SKI: variants seen among roughly 807,000 people sequenced by gnomAD.
SKI encodes SKI proto-oncogene.
Under a neutral mutation model 59.3 loss-of-function variants are expected in SKI, and 23 were observed. The observed-to-expected ratio is 0.39, with a 90% CI of 0.28 to 0.55. SKI has a LOEUF of 0.55. Among genes scored for constraint, SKI ranks in the 20% least tolerant of loss-of-function variants. SKI has a pLI of 0.67. For missense variants in SKI, 1,017 were observed against 1,038.9 expected (o/e 0.98, Z 0.29); for synonymous variants, 673 against 488.6 (o/e 1.38, Z -4.98).
chr1:2,298,536 G>A (rs998102018), intron 1 of SKI, among the ~76,000 whole-genome samples: 9 of 152,308 alleles, frequency 5.9e-5, no homozygotes, highest in African/African-American at 9.6e-5. Context: ...GAGCAGAGGC[G>A]GGACCCTGCC....
chr1:2,294,734 C>G (rs374889226), intron 1 of SKI, among the ~76,000 whole-genome samples: 3 of 152,362 alleles, frequency 2.0e-5, no homozygotes, highest in Admixed American at 2.0e-4. Flanking sequence ...AGCTGCTTCT[C>G]ACATTTTTGT....
At position 2,229,815 on chromosome 1, in the gene SKI, G is replaced by C. The variant is rs547313941; in HGVS notation, c.969+80G>C. The C allele has an allele frequency of 2.1e-5, 32 of 1,546,506 alleles. No individual in the cohort carries two copies. Among genetic ancestry groups the C allele is most frequent in the African/African-American group, 4.1e-5 (3 of 72,912 alleles). Reference sequence around the variant, plus strand: ...TTCTGGACTACAGGCTCTGGTCTCCGAAGGCTGGGACCTGTGCTTCTGCCG... The same window carrying C: ...TTCTGGACTACAGGCTCTGGTCTCCCAAGGCTGGGACCTGTGCTTCTGCCG... On this transcript the variant is annotated intron_variant, in intron 1 of 6. Coordinates refer to ENST00000378536, the MANE Select transcript of SKI (RefSeq NM_003036.4). This position sits in a 1 kb window ranked among gnomAD's most constrained non-coding sequence, Gnocchi z 6.3.
intron 1 of SKI, among the ~76,000 whole-genome samples, chr1:2,264,274 T>A (rs548546061): frequency 1.3e-5 from 2 of 152,320 alleles, no homozygotes; most frequent in East Asian, 1.9e-4. Context: ...TAATTTAATT[T>A]AATTTATTTA....
intron 1 of SKI, among the ~76,000 whole-genome samples, chr1:2,274,595 A>T (rs1639701417): frequency 6.6e-6 from 1 of 152,202 alleles, no homozygotes; most frequent in Non-Finnish European, 1.5e-5. Context: ...TCCCAGCGGC[A>T]CCTGGCCACG....
At chr1:2,249,404 C>T (rs912329953) in intron 1 of SKI, among the ~76,000 whole-genome samples, 1 of 152,240 alleles carries the variant, frequency 6.6e-6, no homozygotes, top group Non-Finnish European at 1.5e-5. Flanking sequence ...ATTGTCTGCT[C>T]AGTTCAGCCT....
At chr1:2,287,981 TC>T (rs996296345) in intron 1 of SKI, among the ~76,000 whole-genome samples, 92 of 151,762 alleles carry the variant, frequency 6.1e-4, no homozygotes, top group South Asian at 4.1e-3. Context: ...TTTTTTCTTT[TC>T]TTTCTTTTTT....
intron 1 of SKI, among the ~76,000 whole-genome samples, chr1:2,260,756 G>A (rs1639372377): frequency 6.6e-6 from 1 of 151,946 alleles, no homozygotes; most frequent in South Asian, 2.1e-4. Flanking sequence ...GCCCAGGCTG[G>A]TTGCGAACTC....
chr1:2,229,444 C>A lies in SKI; in HGVS notation c.678C>A (p.Gly226=). The change falls in exon 1 of 7, where the codon GGC becomes GGA. Residue 226 remains glycine (G), a synonymous_variant. Coordinates refer to ENST00000378536, the MANE Select transcript of SKI (RefSeq NM_003036.4). This position sits in a 1 kb window ranked among gnomAD's most constrained non-coding sequence, Gnocchi z 6.3. ...TCCGCGTGTACCACGAGTGCTTCGGCAAGTGTAAGGGGCTGCTGGTGCCCG... is the reference window on the plus strand; with the variant it reads ...TCCGCGTGTACCACGAGTGCTTCGGAAAGTGTAAGGGGCTGCTGGTGCCCG... ...RSVRVYHECF[G]KCKGLLVPEL... 1 of 1,612,126 alleles carries A rather than the reference C, an allele frequency of 6.2e-7. No homozygotes were observed. Among genetic ancestry groups the A allele is most frequent in the Non-Finnish European group, 8.5e-7 (1 of 1,179,766 alleles).
rs1428988798 is a variant in SKI at position 2,267,092 on chromosome 1, A to G, written c.970-35886A>G. 6.6e-6 allele frequency among the ~76,000 whole-genome samples: 1 copy of G among 152,116 alleles called. No individual in the cohort carries two copies. Among genetic ancestry groups the G allele is most frequent in the Non-Finnish European group, 1.5e-5 (1 of 68,034 alleles). On this transcript the variant is annotated intron_variant, in intron 1 of 6. Coordinates refer to ENST00000378536, the MANE Select transcript of SKI (RefSeq NM_003036.4). The surrounding 1 kb of genome is among the most constrained non-coding windows in gnomAD (Gnocchi z 4.1). The stretch of plus-strand genomic sequence containing the variant: ...AATTCGTTTTGTTAACATCTTCATC[A>G]CCGCCTTTTCAGTTTCAGCGGGAAT...
In SKI at chr1:2,289,194, C is replaced by T. The variant is rs77833214; in HGVS notation, c.970-13784C>T. ...AAGGCAGAGGCTAGAGATGCAGCTC[C>T]TCTGTTATGTTGAGCCTCTCTAGGC... On this transcript the variant is annotated intron_variant, in intron 1 of 6. Coordinates refer to ENST00000378536, the MANE Select transcript of SKI (RefSeq NM_003036.4). Among the ~76,000 whole-genome samples the T allele has an allele frequency of 7.9e-3, 1,207 of 152,310 alleles. 17 individuals are homozygous for T. Among genetic ancestry groups the T allele is most frequent in the African/African-American group, 0.027 (1,123 of 41,580 alleles).
At chr1:2,256,050 T>C (rs1388518340) in intron 1 of SKI, among the ~76,000 whole-genome samples, 1 of 151,858 alleles carries the variant, frequency 6.6e-6, no homozygotes, top group East Asian at 1.9e-4. Flanking sequence ...GCTCTCTCTG[T>C]CCTGATCTCA....
chr1:2,252,051 TG>T (rs1379049332), intron 1 of SKI, among the ~76,000 whole-genome samples: 2 of 152,034 alleles, frequency 1.3e-5, no homozygotes, highest in South Asian at 2.1e-4. Context: ...TGCACACCTG[TG>T]GGGAGGCCTC....
chr1:2,257,966 G>A (rs1639308105), intron 1 of SKI, among the ~76,000 whole-genome samples: 1 of 152,102 alleles, frequency 6.6e-6, no homozygotes, highest in African/African-American at 2.4e-5. Flanking sequence ...TCGAACTCCC[G>A]ACCTCAGGTG....
rs1640378131 is a variant in SKI at position 2,299,746 on chromosome 1, T to C, written c.970-3232T>C. On this transcript the variant is annotated intron_variant, in intron 1 of 6. Coordinates refer to ENST00000378536, the MANE Select transcript of SKI (RefSeq NM_003036.4). The stretch of plus-strand genomic sequence containing the variant: ...CAGGGGATGGGCCAGCGTTTCGCCC[T>C]GAGCATCTGCACGTGTCAGGCAGGA... Among the ~76,000 whole-genome samples, 5 of 152,318 alleles carry C rather than the reference T, an allele frequency of 3.3e-5. No homozygotes were observed. The South Asian group carries it at 1.0e-3, about 32-fold the overall frequency.
At chr1:2,300,174 C>T (rs562944447) in intron 1 of SKI, among the ~76,000 whole-genome samples, 31 of 152,342 alleles carry the variant, frequency 2.0e-4, no homozygotes, top group African/African-American at 6.7e-4. Context: ...TGGTCATCCT[C>T]GGGGTGTGGG....
At chr1:2,284,621 C>T (rs553494969) in intron 1 of SKI, among the ~76,000 whole-genome samples, 7 of 152,284 alleles carry the variant, frequency 4.6e-5, no homozygotes, top group East Asian at 3.9e-4. Context: ...CCAGAGGGCC[C>T]GCTGTCCGTG....
chr1:2,266,633 A>G (rs1639506261), intron 1 of SKI, among the ~76,000 whole-genome samples: 1 of 152,032 alleles, frequency 6.6e-6, no homozygotes, highest in Non-Finnish European at 1.5e-5. Context: ...TGGCCTTTCC[A>G]GGGAGGAGGG....
chr1:2,241,922 A>G (rs1638884610), intron 1 of SKI, among the ~76,000 whole-genome samples: 1 of 152,092 alleles, frequency 6.6e-6, no homozygotes, highest in South Asian at 2.1e-4. Flanking sequence ...ACTGCGTGCG[A>G]TGGATGGGTC....
In SKI at chr1:2,303,508, CCT is replaced by C; in HGVS notation, c.1211+109_1211+110del. 1 of 1,015,456 alleles carries C rather than the reference CCT, an allele frequency of 9.8e-7. No individual in the cohort carries two copies. Among genetic ancestry groups the C allele is most frequent in the Non-Finnish European group, 1.5e-6 (1 of 670,620 alleles). The allele number at this position is 1,015,456 out of a possible 1,614,324, so 62.9% of individuals were successfully genotyped here. A position where few individuals can be genotyped will look rare whatever the true frequency, so the allele number is the denominator to read the frequency against. On this transcript the variant is annotated intron_variant, in intron 3 of 6. Transcript: ENST00000378536. The surrounding 1 kb of genome is among the most constrained non-coding windows in gnomAD (Gnocchi z 5.6). Reference sequence around the variant, plus strand: ...GCAGGCTGGGTGCCCAGACCTGCCGCCTTTTGGTCAGGGCAGTCTCGGTGTTG... The same window carrying C: ...GCAGGCTGGGTGCCCAGACCTGCCGCTTTGGTCAGGGCAGTCTCGGTGTTG...
Sources: allele counts gnomAD v4.1 joint callset (sites outside exome capture counted in the v4.1 genomes callset), GRCh38; gene constraint gnomAD v4.1.1; non-coding constraint Gnocchi (gnomAD v3.1); transcripts MANE v1.5; gene names NCBI Gene and HGNC (gene_info 2026-07-23, HGNC 2026-07-21).